The following AFAP1L1 variants were observed in gnomAD, a reference collection of about 807,000 sequenced individuals.
AFAP1L1 encodes the protein actin filament-associated protein 1-like 1.
AFAP1L1 carries 77 observed loss-of-function variants against 99.8 expected under a neutral mutation model. That is an observed-to-expected ratio of 0.77 (90% CI 0.64 to 0.93). The LOEUF (loss-of-function observed/expected upper bound fraction) is 0.93. Among genes scored for constraint, AFAP1L1 ranks in the 40% least tolerant of loss-of-function variants. The pLI, the probability that AFAP1L1 is intolerant of heterozygous loss-of-function variation, is 0.00. For synonymous variants in AFAP1L1, 373 were observed against 395.3 expected (o/e 0.94, Z 0.67); for missense variants, 893 against 996.8 (o/e 0.90, Z 1.40).
Position 149,335,633 on chromosome 5 carries a change from C to A in AFAP1L1, c.2194C>A (p.Pro732Thr), listed in dbSNP as rs1433506314. 1 of 1,613,038 alleles carries A rather than the reference C, an allele frequency of 6.2e-7. No homozygotes were observed. The highest frequency in any genetic ancestry group is 8.5e-7 in the Non-Finnish European group (1 of 1,180,030). The change falls in exon 18 of 19, where the codon CCT (proline) becomes ACT (threonine). Residue 732 changes from proline (P) to threonine (T), a missense_variant. By Grantham distance (38) the Pro-to-Thr change is conservative (BLOSUM62 -1). Transcript: ENST00000296721. The part of the protein sequence containing the change: ...NKPQNSVPEQ[P>T]LPVNCVSELR... Reference sequence around the variant, plus strand: ...ACCCCAGAACAGCGTTCCAGAGCAACCTCTCCCTGTCAACTGTGTTTCTGA... The same window carrying A: ...ACCCCAGAACAGCGTTCCAGAGCAAACTCTCCCTGTCAACTGTGTTTCTGA...
intron 5 of AFAP1L1, among the ~76,000 whole-genome samples, chr5:149,303,223 T>G (rs1196363805): frequency 6.6e-6 from 1 of 152,082 alleles, no homozygotes; most frequent in Non-Finnish European, 1.5e-5. Flanking sequence ...AACATAAATA[T>G]ATGTATATAT....
chr5:149,319,472 G>C, intron 12 of AFAP1L1, 110 bp from the exon 13 acceptor site: 1 of 1,248,806 alleles, frequency 8.0e-7, no homozygotes, highest in Non-Finnish European at 1.1e-6. Flanking sequence ...CCCGAGTATC[G>C]GGTACGTAGT....
intron 15 of AFAP1L1, 126 bp downstream of exon 15, chr5:149,322,843 C>G (rs1010040701): frequency 1.4e-6 from 1 of 726,588 alleles, no homozygotes; most frequent in Non-Finnish European, 2.3e-6. Context: ...CAAGAAAATA[C>G]TCTACCGTAA....
chr5:149,308,889 G>A (rs1330237059), intron 7 of AFAP1L1, among the ~76,000 whole-genome samples: 2 of 150,284 alleles, frequency 1.3e-5, no homozygotes, highest in African/African-American at 4.9e-5. Flanking sequence ...GAAGCTAGGA[G>A]TTCGAAACCA....
At chr5:149,293,963 C>G (rs1189099587) in intron 1 of AFAP1L1, among the ~76,000 whole-genome samples, 1 of 152,200 alleles carries the variant, frequency 6.6e-6, no homozygotes, top group African/African-American at 2.4e-5. Context: ...AGCCACTGCA[C>G]TATTCTAAGC....
intron 1 of AFAP1L1, among the ~76,000 whole-genome samples, chr5:149,292,385 T>C (rs1397259498): frequency 6.6e-6 from 1 of 152,204 alleles, no homozygotes; most frequent in Non-Finnish European, 1.5e-5. Context: ...GTACTTTTTA[T>C]TGGTAGCTTA....
intron 8 of AFAP1L1, 128 bp downstream of exon 8, chr5:149,310,263 G>C (rs1477285891): frequency 1.7e-6 from 2 of 1,183,478 alleles, no homozygotes; most frequent in Non-Finnish European, 2.3e-6. Context: ...AGTGCCCTCT[G>C]CGTGGCTAGG....
chr5:149,322,503 C>A lies in AFAP1L1; in HGVS notation c.1699-103C>A, dbSNP rs115766016. 1,685 of 739,142 alleles carry A rather than the reference C, an allele frequency of 2.3e-3. 22 individuals carry two copies. The African/African-American group carries it at 0.027, about 12-fold the overall frequency. The allele number at this position is 739,142 out of a possible 1,614,324, so 45.8% of individuals were successfully genotyped here. ...AAGTCTAAAAATGTAAGACCAAGAT[C>A]TCAGAGCAAGAAGACTCCATACTGA... On this transcript the variant is annotated intron_variant, in intron 14 of 18. Transcript: ENST00000296721.
In AFAP1L1 at chr5:149,342,442, A is replaced by G. The variant is rs931926890; in HGVS notation, c.*2412A>G. On this transcript the variant is annotated 3_prime_UTR_variant, in exon 19 of 19. Transcript: ENST00000296721. ...GCCTTATTCTTAATTTTAAAGCTCTATGTCATCCATATATCTCCCTCCCCT... is the reference window on the plus strand; with the variant it reads ...GCCTTATTCTTAATTTTAAAGCTCTGTGTCATCCATATATCTCCCTCCCCT... Among the ~76,000 whole-genome samples, 2 of 152,190 alleles carry G rather than the reference A, an allele frequency of 1.3e-5. No homozygotes were observed. Among genetic ancestry groups the G allele is most frequent in the Non-Finnish European group, 2.9e-5 (2 of 68,028 alleles).
At position 149,323,208 on chromosome 5, in the gene AFAP1L1, A is replaced by G. The variant is rs1373312759; in HGVS notation, c.1810+491A>G. Among the ~76,000 whole-genome samples, 3 of 152,222 alleles carry G rather than the reference A, an allele frequency of 2.0e-5. No homozygotes were observed. In the East Asian group the frequency reaches 5.8e-4, roughly 29 times the overall value. ...GCTGTATCTGTTTCAGAGGCTAACAATTTGTGATTTCTGAACTGGGGTAGT... is the reference window on the plus strand; with the variant it reads ...GCTGTATCTGTTTCAGAGGCTAACAGTTTGTGATTTCTGAACTGGGGTAGT... On this transcript the variant is annotated intron_variant, in intron 15 of 18. Coordinates refer to ENST00000296721, the MANE Select transcript of AFAP1L1 (RefSeq NM_152406.4).
chr5:149,305,279 T>C (rs1756372025), intron 5 of AFAP1L1, among the ~76,000 whole-genome samples: 1 of 152,230 alleles, frequency 6.6e-6, no homozygotes, highest in Admixed American at 6.5e-5. Flanking sequence ...CAGTAAATGA[T>C]AGAGATAGGA....
intron 9 of AFAP1L1, 116 bp from the exon 10 acceptor site, chr5:149,315,705 T>G: frequency 2.2e-5 from 18 of 807,468 alleles, no homozygotes; most frequent in East Asian, 8.2e-5. Context: ...CTGACAAACA[T>G]TTGTTAGCTA....
intron 1 of AFAP1L1, among the ~76,000 whole-genome samples, chr5:149,296,641 T>C (rs1756028204): frequency 1.3e-5 from 2 of 152,234 alleles, no homozygotes; most frequent in South Asian, 4.1e-4. Flanking sequence ...CTCTTATTCA[T>C]TTTTTCTAAG....
intron 5 of AFAP1L1, 105 bp from the exon 6 acceptor site, chr5:149,306,201 G>C: frequency 1.1e-6 from 1 of 929,792 alleles, no homozygotes; most frequent in Non-Finnish European, 1.6e-6. Context: ...AGTGCCTGCT[G>C]TCTCTTCCCT....
rs545538437 is a variant in AFAP1L1 at position 149,296,677 on chromosome 5, A to G, written c.17-2832A>G. Reference sequence around the variant, plus strand: ...CCCTGCCCAGGGGCCAGGCTGACACATAGTTAGTGCTCAGTAAATGTTTTG... The same window carrying G: ...CCCTGCCCAGGGGCCAGGCTGACACGTAGTTAGTGCTCAGTAAATGTTTTG... On this transcript the variant is annotated intron_variant, in intron 1 of 18. Transcript: ENST00000296721. Among the ~76,000 whole-genome samples the G allele has an allele frequency of 2.0e-4, 31 of 152,354 alleles. No homozygotes were observed. In the South Asian group the frequency reaches 6.2e-3, roughly 31 times the overall value.
chr5:149,307,427 C>A lies in AFAP1L1; in HGVS notation c.561C>A (p.Ser187Arg). The A allele has an allele frequency of 6.2e-7, 1 of 1,614,162 alleles. No homozygotes were observed. The highest frequency in any genetic ancestry group is 8.5e-7 in the Non-Finnish European group (1 of 1,180,034). The change falls in exon 7 of 19, where the codon AGC becomes AGA. Residue 187 changes from serine to arginine, a missense_variant. By Grantham distance (110) the Ser-to-Arg change is moderately radical. Transcript: ENST00000296721. ...ATAATGACTCTGACGCAATGAGCAG[C>A]TCCTATGAGTCCTACGATGAAGAGG... ...SSYNDSDAMSSSYESYDEEEE... is the reference protein window; with the variant it reads ...SSYNDSDAMSRSYESYDEEEE...
At chr5:149,300,228 C>G (rs1014014094) in intron 2 of AFAP1L1, 43 bp from the exon 3 acceptor site, 60 of 1,484,232 alleles carry the variant, frequency 4.0e-5, no homozygotes, top group Non-Finnish European at 5.6e-5. Context: ...GAGACCTGGT[C>G]CCTCCTCCTT....
chr5:149,332,976 C>A, intron 17 of AFAP1L1, 103 bp downstream of exon 17: 1 of 1,379,020 alleles, frequency 7.3e-7, no homozygotes, highest in Non-Finnish European at 9.5e-7. Flanking sequence ...GGGTTATGCC[C>A]ACTTACAGAC....
At chr5:149,308,481 A>G (rs1307413880) in intron 7 of AFAP1L1, among the ~76,000 whole-genome samples, 1 of 152,134 alleles carries the variant, frequency 6.6e-6, no homozygotes, top group Non-Finnish European at 1.5e-5. Context: ...ATTTTTTTAT[A>G]TTTACCATCT....
Sources: allele counts gnomAD v4.1 joint callset (sites outside exome capture counted in the v4.1 genomes callset), GRCh38; gene constraint gnomAD v4.1.1; transcripts MANE v1.5; gene names NCBI Gene and HGNC (gene_info 2026-07-23, HGNC 2026-07-21).